The following STON2 variants were observed in gnomAD, a reference collection of about 807,000 sequenced individuals.
STON2 encodes the protein stonin-2.
STON2 carries 29 observed loss-of-function variants against 65.7 expected under a neutral mutation model. The ratio of observed to expected loss-of-function variants is 0.44; its 90% CI spans 0.33 to 0.60. The LOEUF (loss-of-function observed/expected upper bound fraction) is 0.60. STON2 is among the 20% of genes least tolerant of loss of function. The probability of loss-of-function intolerance (pLI) is 0.03; values close to 1 mark genes in which losing one functional copy is unlikely to be tolerated. For missense variants in STON2, 1,054 were observed against 1,118.1 expected (o/e 0.94, Z 0.82); for synonymous variants, 404 against 414.2 (o/e 0.98, Z 0.30).
intron 5 of STON2, among the ~76,000 whole-genome samples, chr14:81,288,534 T>C (rs768096306): frequency 2.0e-5 from 3 of 152,124 alleles, no homozygotes; most frequent in Non-Finnish European, 4.4e-5. Context: ...AGTAAAAATA[T>C]GGTTGTAGAG....
intron 5 of STON2, among the ~76,000 whole-genome samples, chr14:81,311,694 T>C (rs77809095): frequency 4.4e-4 from 67 of 152,290 alleles, no homozygotes; most frequent in African/African-American, 1.5e-3. Context: ...AGAAAGGGAT[T>C]TGCTTTAGAA....
intron 4 of STON2, among the ~76,000 whole-genome samples, chr14:81,367,201 C>T (rs971325554): frequency 3.3e-5 from 5 of 151,594 alleles, no homozygotes; most frequent in African/African-American, 1.2e-4. Context: ...TTTTGTGAGA[C>T]CAAGTCTCAC....
At chr14:81,335,271 G>C (rs1897330168) in intron 4 of STON2, among the ~76,000 whole-genome samples, 1 of 152,068 alleles carries the variant, frequency 6.6e-6, no homozygotes, top group African/African-American at 2.4e-5. Flanking sequence ...CTCACTCTGT[G>C]GTAATGGGAA....
chr14:81,433,964 T>G (rs1595481043), intron 1 of STON2, among the ~76,000 whole-genome samples: 2 of 152,272 alleles, frequency 1.3e-5, no homozygotes, highest in Admixed American at 1.3e-4. Flanking sequence ...TTGTTTCCAA[T>G]CCCACCTCAC....
In STON2 at chr14:81,371,098, G is replaced by A; in HGVS notation, c.461C>T (p.Thr154Ile). Reference sequence around the variant, plus strand: ...AGGACTGCTGGTGTCTTCAGAATGGGTGGTCCAGCTGCTCTCAGAAGTCAG... The same window carrying A: ...AGGACTGCTGGTGTCTTCAGAATGGATGGTCCAGCTGCTCTCAGAAGTCAG... ...CPLTSESSWT[T>I]HSEDTSSPSF... The change falls in exon 4 of 8, where the codon ACC (threonine) becomes ATC (isoleucine). Residue 154 changes from threonine to isoleucine, a missense_variant. Coordinates refer to ENST00000614646, the MANE Select transcript of STON2 (RefSeq NM_001394390.1). 2.5e-6 allele frequency: 4 copies of A among 1,614,146 alleles called. No homozygotes were observed. Among genetic ancestry groups the A allele is most frequent in the Non-Finnish European group, 3.4e-6 (4 of 1,180,014 alleles).
chr14:81,347,358 CT>C (rs1204591278), intron 4 of STON2, among the ~76,000 whole-genome samples: 1 of 151,772 alleles, frequency 6.6e-6, no homozygotes, highest in African/African-American at 2.4e-5. Context: ...CACATAAAAC[CT>C]ACCAATAGTG....
At chr14:81,392,345 C>T (rs1042038098) in intron 3 of STON2, among the ~76,000 whole-genome samples, 3 of 152,076 alleles carry the variant, frequency 2.0e-5, no homozygotes, top group Admixed American at 6.6e-5. Context: ...GGGCGCGGTC[C>T]GGAAGTGCTC....
intron 1 of STON2, among the ~76,000 whole-genome samples, chr14:81,431,392 C>A (rs1902219127): frequency 6.6e-6 from 1 of 152,152 alleles, no homozygotes; most frequent in Admixed American, 6.5e-5. Flanking sequence ...AATCCTAGCA[C>A]TTTGAGAGGC....
rs750464332 is a variant in STON2, at chr14:81,277,275, G to A, written c.2207C>T (p.Thr736Ile). Residue 736 changes from threonine (T) to isoleucine (I), a missense_variant, in exon 6 of 8, where the codon ACA becomes ATA. Physicochemically the swap from Thr to Ile is moderately conservative, Grantham distance 89 (BLOSUM62 -1). Transcript: ENST00000614646. ...AGGCAAGGTCTTCTCAGCAAACACTGTCCTGAACCGCATTAGCTCAAACCG... is the reference window on the plus strand; with the variant it reads ...AGGCAAGGTCTTCTCAGCAAACACTATCCTGAACCGCATTAGCTCAAACCG... Reference protein sequence around the residue: ...ACRFELMRFRTVFAEKTLPFT... With the variant: ...ACRFELMRFRIVFAEKTLPFT... 1 of 1,614,148 alleles carries A rather than the reference G, an allele frequency of 6.2e-7. No homozygotes were observed. Among genetic ancestry groups the A allele is most frequent in the Non-Finnish European group, 8.5e-7 (1 of 1,180,030 alleles).
At position 81,267,923 on chromosome 14, in the gene STON2, T is replaced by C. The variant is rs2140092818; in HGVS notation, c.*491A>G. 1 of 985,632 alleles carries C rather than the reference T, an allele frequency of 1.0e-6. No individual in the cohort carries two copies. Among genetic ancestry groups the C allele is most frequent in the African/African-American group, 1.7e-5 (1 of 57,370 alleles). The allele number at this position is 985,632 out of a possible 1,614,324, so 61.1% of individuals were successfully genotyped here. On this transcript the variant is annotated 3_prime_UTR_variant, in exon 8 of 8. Transcript: ENST00000614646. Reference sequence around the variant, plus strand: ...TCTAGTAAGACCCAAAGAGGAAATTTGTTTTGCACCTTTTCTGAACCTTTT... The same window carrying C: ...TCTAGTAAGACCCAAAGAGGAAATTCGTTTTGCACCTTTTCTGAACCTTTT...
chr14:81,286,995 C>T (rs531540013), intron 5 of STON2, among the ~76,000 whole-genome samples: 226 of 152,244 alleles, frequency 1.5e-3, no homozygotes, highest in African/African-American at 5.0e-3. Context: ...GTTATCTTGA[C>T]ACAACTTCTT....
At position 81,371,168 on chromosome 14, in the gene STON2, G is replaced by A. The variant is rs534726915; in HGVS notation, c.391C>T (p.Pro131Ser). Residue 131 changes from proline to serine, a missense_variant, in exon 4 of 8, where the codon CCC becomes TCC. Physicochemically the swap from Pro to Ser is moderately conservative, Grantham distance 74 (BLOSUM62 -1). Coordinates refer to ENST00000614646, the MANE Select transcript of STON2 (RefSeq NM_001394390.1). ...TCAAAGGAAGGGCATGTCCAGCAGG[G>A]CATGGTCAATGGTAGGGCTGGGGAG... ...TAETALPLTM[P>S]CWTCPSFDSL... 1.2e-6 allele frequency: 2 copies of A among 1,614,142 alleles called. No individual in the cohort carries two copies.
intron 5 of STON2, among the ~76,000 whole-genome samples, chr14:81,312,758 G>A (rs1472953064): frequency 6.6e-6 from 1 of 152,188 alleles, no homozygotes; most frequent in Non-Finnish European, 1.5e-5. Flanking sequence ...CATAACTACT[G>A]GTTTGCAGGA....
chr14:81,386,366 T>C (rs1390488473), intron 3 of STON2, among the ~76,000 whole-genome samples: 2 of 151,938 alleles, frequency 1.3e-5, no homozygotes, highest in Non-Finnish European at 2.9e-5. Flanking sequence ...TTAGCCAGAA[T>C]GAACAACATA....
At chr14:81,333,377 T>C (rs1463639177) in intron 4 of STON2, 2 of 468,870 alleles carry the variant, frequency 4.3e-6, no homozygotes, top group Non-Finnish European at 7.7e-6. Flanking sequence ...CGGTCTATCC[T>C]CAGACAGCCA....
At chr14:81,406,842 T>C (rs1052679745) in intron 2 of STON2, among the ~76,000 whole-genome samples, 1 of 152,242 alleles carries the variant, frequency 6.6e-6, no homozygotes, top group Non-Finnish European at 1.5e-5. Flanking sequence ...AACGGTTCTC[T>C]GGGTACACCC....
At position 81,277,140 on chromosome 14, in the gene STON2, G is replaced by T. The variant is rs1443421905; in HGVS notation, c.2342C>A (p.Pro781His). The T allele has an allele frequency of 1.2e-6, 2 of 1,614,012 alleles. No individual in the cohort carries two copies. The highest frequency in any genetic ancestry group is 2.2e-5 in the South Asian group (2 of 91,084). Residue 781 changes from proline (P) to histidine (H), a missense_variant, in exon 6 of 8, where the codon CCC (proline) becomes CAC (histidine). By Grantham distance (77) the Pro-to-His change is moderately conservative. Coordinates refer to ENST00000614646, the MANE Select transcript of STON2 (RefSeq NM_001394390.1). ...SANRDPLTQVPCENVMIRYPV... is the reference protein window; with the variant it reads ...SANRDPLTQVHCENVMIRYPV... ...GTAACGGATCATCACATTCTCACAGGGAACCTGAGTGAGGGGGTCACGATT... is the reference window on the plus strand; with the variant it reads ...GTAACGGATCATCACATTCTCACAGTGAACCTGAGTGAGGGGGTCACGATT...
intron 4 of STON2, among the ~76,000 whole-genome samples, chr14:81,333,811 T>C (rs561783555): frequency 6.6e-6 from 1 of 152,326 alleles, no homozygotes; most frequent in South Asian, 2.1e-4. Flanking sequence ...ATAGTTATAT[T>C]TTTCATTTTT....
chr14:81,277,722 A>C lies in STON2; in HGVS notation c.1760T>G (p.Leu587Arg). The C allele has an allele frequency of 6.2e-7, 1 of 1,614,192 alleles. No homozygotes were observed. The change falls in exon 6 of 8, where the codon CTG (leucine) becomes CGG (arginine). Residue 587 changes from leucine to arginine, a missense_variant. Leu to Arg is a moderately radical substitution (Grantham distance 102). Coordinates refer to ENST00000614646, the MANE Select transcript of STON2 (RefSeq NM_001394390.1). ...GAAGTCATCGTAATTGGTGGTGCCC[A>C]GCTTAATCACCTGTTCCCTCTCTGC... ...HTAEREQVIKLGTTNYDDFLS... is the reference protein window; with the variant it reads ...HTAEREQVIKRGTTNYDDFLS...
Sources: gnomAD v4.1 joint callset for allele counts (sites outside exome capture counted in the v4.1 genomes callset) on GRCh38, gnomAD v4.1.1 for gene constraint, MANE v1.5 for transcripts, NCBI Gene and HGNC (gene_info 2026-07-23, HGNC 2026-07-21) for gene names.